Variants in PGR observed in about 807,000 individuals in gnomAD.
PGR encodes the protein progesterone receptor, also known as nuclear receptor subfamily 3 group C member 3.
PGR carries 25 observed loss-of-function variants against 76.1 expected under a neutral mutation model. That is an observed-to-expected ratio of 0.33 (90% confidence interval 0.24 to 0.46). PGR has a LOEUF of 0.46. PGR is among the 20% of genes least tolerant of loss of function. PGR has a pLI of 1.00. For missense variants in PGR, 1,172 were observed against 1,225.3 expected (o/e 0.96, Z 0.65); for synonymous variants, 579 against 535.0 (o/e 1.08, Z -1.14).
rs1862922851 is a variant in PGR, at chr11:101,127,872, G to A, written c.1199C>T (p.Ser400Phe). ...ACCGGCCACAAGGTAGGAACGCGGG[G>A]AGCGCGCGGAGGCCTCCGCGCCTTC... ...EEEGAEASAR[S>F]PRSYLVAGAN... Residue 400 changes from serine to phenylalanine, a missense_variant, in exon 1 of 8, where the codon TCC becomes TTC. By Grantham distance (155) the Ser-to-Phe change is radical. Around this residue, in one of 4 missense-constraint regions of PGR, gnomAD observed 893 missense variants for 785.9 expected, o/e 1.14. Transcript: ENST00000325455. The A allele has an allele frequency of 1.2e-6, 2 of 1,601,748 alleles. No individual in the cohort carries two copies. The highest frequency in any genetic ancestry group is 1.7e-6 in the Non-Finnish European group (2 of 1,177,762).
chr11:101,042,254 A>AG, intron 6 of PGR, 152 bp from the exon 7 acceptor site: 4 of 687,790 alleles, frequency 5.8e-6, no homozygotes, highest in Non-Finnish European at 9.8e-6. Flanking sequence ...TGTTATTGAT[A>AG]TCACTATCAA....
At chr11:101,113,545 C>T (rs781072518) in intron 2 of PGR, among the ~76,000 whole-genome samples, 3 of 152,040 alleles carry the variant, frequency 2.0e-5, no homozygotes, top group Admixed American at 6.6e-5. Flanking sequence ...GCTGGGATTA[C>T]AGGCGTGAGC....
intron 3 of PGR, among the ~76,000 whole-genome samples, chr11:101,090,241 A>C (rs1861636535): frequency 6.6e-6 from 1 of 152,052 alleles, no homozygotes; most frequent in East Asian, 1.9e-4. Flanking sequence ...AGATAACATA[A>C]ATTTCTCTAG....
intron 1 of PGR, among the ~76,000 whole-genome samples, chr11:101,126,597 C>T (rs1381341841): frequency 6.6e-6 from 1 of 152,144 alleles, no homozygotes; most frequent in African/African-American, 2.4e-5. Flanking sequence ...TAAAACACAA[C>T]CCTGTAATCA....
Position 101,129,079 on chromosome 11 carries a change from G to C in PGR, c.-9C>G. ...GCCTTCAGCTCAGTCATGACGACTG[G>C]ACTCCCCTTTTCTCCTCCCCCGTCT... On this transcript the variant is annotated 5_prime_UTR_variant, in exon 1 of 8. Coordinates refer to ENST00000325455, the MANE Select transcript of PGR (RefSeq NM_000926.4). The C allele has an allele frequency of 6.6e-7, 1 of 1,520,816 alleles. No homozygotes were observed. Among genetic ancestry groups the C allele is most frequent in the Non-Finnish European group, 8.8e-7 (1 of 1,133,214 alleles). The allele number at this position is 1,520,816 out of a possible 1,614,324, so 94.2% of individuals were successfully genotyped here.
chr11:101,128,070 CCGGCCCCGCCGT>C lies in PGR; in HGVS notation c.989_1000del (p.Asp330_Ala333del). On this transcript the variant is annotated inframe_deletion, in exon 1 of 8. Transcript: ENST00000325455. ...CGGCGGGGCAAAGGCGCTGGCAGCC[CCGGCCCCGCCGT>C]CGTAACTTTCGTCTTCCAGCAGCTG... is the stretch of plus-strand genomic sequence containing the variant. 2 of 1,600,608 alleles carry C rather than the reference CCGGCCCCGCCGT, an allele frequency of 1.2e-6. No individual in the cohort carries two copies. The highest frequency in any genetic ancestry group is 8.5e-7 in the Non-Finnish European group (1 of 1,179,240).
chr11:101,121,177 T>G (rs1862662734), intron 2 of PGR, among the ~76,000 whole-genome samples: 1 of 152,202 alleles, frequency 6.6e-6, no homozygotes. Context: ...ACATATTTAT[T>G]TTTAGGGTAA....
At chr11:101,055,274 G>A (rs746596309) in intron 4 of PGR, among the ~76,000 whole-genome samples, 1 of 151,898 alleles carries the variant, frequency 6.6e-6, no homozygotes, top group Non-Finnish European at 1.5e-5. Flanking sequence ...TTAGCTAGGT[G>A]TGGTGGTGTA....
At chr11:101,108,992 T>C (rs756867356) in intron 2 of PGR, among the ~76,000 whole-genome samples, 20 of 152,198 alleles carry the variant, frequency 1.3e-4, no homozygotes, top group Non-Finnish European at 2.1e-4. Flanking sequence ...ATCTCTGCTA[T>C]GGTGATCTAT....
chr11:101,046,963 T>A (rs528129900), intron 6 of PGR, among the ~76,000 whole-genome samples: 1 of 152,310 alleles, frequency 6.6e-6, no homozygotes, highest in African/African-American at 2.4e-5. Flanking sequence ...TAAAGATGGA[T>A]TTTCAGTAGG....
In PGR at chr11:101,127,794, G is replaced by C; in HGVS notation, c.1277C>G (p.Pro426Arg). ...GGGTCTGGATGGGGTCGCTCGCGGC[G>C]GCAGCGGGGGCGGTGGCCCCAACGG... Reference protein sequence around the residue: ...DFPLGPPPPLPPRATPSRPGE... With the variant: ...DFPLGPPPPLRPRATPSRPGE... The change falls in exon 1 of 8, where the codon CCG becomes CGG. Residue 426 changes from proline to arginine, a missense_variant. Transcript: ENST00000325455. 1 of 1,565,044 alleles carries C rather than the reference G, an allele frequency of 6.4e-7. No homozygotes were observed. Among genetic ancestry groups the C allele is most frequent in the Non-Finnish European group, 8.6e-7 (1 of 1,163,658 alleles).
At position 101,113,640 on chromosome 11, in the gene PGR, T is replaced by C. The variant is rs370651979; in HGVS notation, c.1789+12367A>G. Among the ~76,000 whole-genome samples the C allele has an allele frequency of 2.1e-4, 32 of 152,296 alleles. No homozygotes were observed. In the East Asian group the frequency reaches 3.9e-3, roughly 18 times the overall value. On this transcript the variant is annotated intron_variant, in intron 2 of 7. Transcript: ENST00000325455. ...GGAAAGGTCAGCAATCTGAAATGCA[T>C]ATCCTTTTATAAAGGAAAATGTAAA... is the stretch of plus-strand genomic sequence containing the variant.
At position 101,032,376 on chromosome 11, in the gene PGR, A is replaced by C. The variant is rs1167825353; in HGVS notation, c.*6740T>G. Reference sequence around the variant, plus strand: ...CCAGTGGGAGTCTTCTAAAATATTCATATGAATTGTGCTGCTTTCCTGTTT... The same window carrying C: ...CCAGTGGGAGTCTTCTAAAATATTCCTATGAATTGTGCTGCTTTCCTGTTT... On this transcript the variant is annotated 3_prime_UTR_variant, in exon 8 of 8. Transcript: ENST00000325455. The C allele has an allele frequency of 4.3e-6, 1 of 232,566 alleles. No homozygotes were observed. The highest frequency in any genetic ancestry group is 2.2e-5 in the African/African-American group (1 of 45,300). 14.4% of individuals were successfully genotyped at this position (232,566 alleles called of 1,614,324 possible). A position where few individuals can be genotyped will look rare whatever the true frequency, so the allele number is the denominator to read the frequency against.
intron 4 of PGR, among the ~76,000 whole-genome samples, chr11:101,055,223 G>A (rs558228639): frequency 4.0e-5 from 6 of 151,868 alleles, no homozygotes; most frequent in Admixed American, 2.6e-4. Context: ...GACCATCTTG[G>A]CCAGCATGGT....
chr11:101,129,164 A>G lies in PGR; in HGVS notation c.-94T>C, dbSNP rs1863020307. On this transcript the variant is annotated 5_prime_UTR_variant, in exon 1 of 8. Transcript: ENST00000325455. ...TCGGGAATATAGGGGCAGAGGGAGG[A>G]GAAAGTGGGTGTTGAATGTGGCTGG... is the stretch of plus-strand genomic sequence containing the variant. 2.9e-6 allele frequency: 2 copies of G among 694,046 alleles called. No homozygotes were observed. Among genetic ancestry groups the G allele is most frequent in the Non-Finnish European group, 3.8e-6 (2 of 524,868 alleles). The allele number at this position is 694,046 out of a possible 1,614,324, so 43.0% of individuals were successfully genotyped here. A position where few individuals can be genotyped will look rare whatever the true frequency, so the allele number is the denominator to read the frequency against.
Position 101,127,541 on chromosome 11 carries a change from C to A in PGR, c.1530G>T (p.Ala510=). The A allele has an allele frequency of 1.4e-6, 2 of 1,423,662 alleles. No homozygotes were observed. The highest frequency in any genetic ancestry group is 1.5e-5 in the African/African-American group (1 of 67,974). The allele number at this position is 1,423,662 out of a possible 1,614,324, so 88.2% of individuals were successfully genotyped here. The change falls in exon 1 of 8, where the codon GCG becomes GCT. Residue 510 remains alanine, a synonymous_variant. Coordinates refer to ENST00000325455, the MANE Select transcript of PGR (RefSeq NM_000926.4). ...CGTTGAGGCCGAGTGCAGGGTAGAG[C>A]GCGGGGGCCGCCCCGGCGGCGGCGG... ...ASAAAAGAAP[A]LYPALGLNGL...
At chr11:101,091,663 C>T in intron 3 of PGR, 97 bp downstream of exon 3, 3 of 773,778 alleles carry the variant, frequency 3.9e-6, no homozygotes, top group African/African-American at 1.7e-5. Context: ...ACAGAAAAAA[C>T]AAAAACAAAG....
intron 2 of PGR, among the ~76,000 whole-genome samples, chr11:101,121,680 T>C (rs181175863): frequency 4.9e-4 from 74 of 152,336 alleles, no homozygotes; most frequent in Non-Finnish European, 7.3e-5. Context: ...ATTAGTCATG[T>C]GTACACAAAT....
chr11:101,053,696 C>G (rs1409817772), intron 4 of PGR, among the ~76,000 whole-genome samples: 1 of 148,974 alleles, frequency 6.7e-6, no homozygotes, highest in Non-Finnish European at 1.5e-5. Flanking sequence ...TCTTCTCTCA[C>G]TCCCTTCCTC....
Sources: allele counts gnomAD v4.1 joint callset (sites outside exome capture counted in the v4.1 genomes callset), GRCh38; gene constraint gnomAD v4.1.1; regional missense constraint gnomAD v4.1.1; transcripts MANE v1.5; gene names NCBI Gene and HGNC (gene_info 2026-07-23, HGNC 2026-07-21).